TRPC7: variants seen among roughly 807,000 people sequenced by gnomAD.
TRPC7 encodes the protein transient receptor potential cation channel subfamily C member 7, also known as short transient receptor potential channel 7.
In TRPC7, 42 loss-of-function variants were observed where a neutral mutation model predicts 90.1. The ratio of observed to expected loss-of-function variants is 0.47; its 90% CI spans 0.36 to 0.60. TRPC7 has a LOEUF of 0.60. Among genes scored for constraint, TRPC7 ranks in the 20% least tolerant of loss-of-function variants. The probability of loss-of-function intolerance (pLI) is 0.00; values close to 1 mark genes in which losing one functional copy is unlikely to be tolerated. For missense variants in TRPC7, 955 were observed against 1,112.3 expected (o/e 0.86, Z 2.01); for synonymous variants, 451 against 436.3 (o/e 1.03, Z -0.42).
rs1561732594 is a variant in TRPC7, at chr5:136,356,792, T to C, written c.596A>G (p.Lys199Arg). Residue 199 changes from lysine to arginine, a missense_variant, in exon 2 of 12, where the codon AAG (lysine) becomes AGG (arginine). Coordinates refer to ENST00000513104, the MANE Select transcript of TRPC7 (RefSeq NM_020389.3). ...RIERPHDYFCKCNECTEKQRK... is the reference protein window; with the variant it reads ...RIERPHDYFCRCNECTEKQRK... Reference sequence around the variant, plus strand: ...CTGTTTCTCGGTGCACTCATTGCACTTGCAGAAGTAGTCGTGGGGCCGCTC... The same window carrying C: ...CTGTTTCTCGGTGCACTCATTGCACCTGCAGAAGTAGTCGTGGGGCCGCTC... 2 of 1,612,646 alleles carry C rather than the reference T, an allele frequency of 1.2e-6. No individual in the cohort carries two copies. Among genetic ancestry groups the C allele is most frequent in the East Asian group, 4.5e-5 (2 of 44,816 alleles).
At chr5:136,317,183 C>A (rs997392239) in intron 2 of TRPC7, among the ~76,000 whole-genome samples, 1 of 152,100 alleles carries the variant, frequency 6.6e-6, no homozygotes, top group African/African-American at 2.4e-5. Context: ...AATGACCTCT[C>A]GGCTCAGGCG....
chr5:136,330,524 T>G (rs193259357), intron 2 of TRPC7, among the ~76,000 whole-genome samples: 12 of 152,350 alleles, frequency 7.9e-5, no homozygotes, highest in South Asian at 6.2e-4. Context: ...GCCCTTGTAG[T>G]GCTCTAAAAC....
chr5:136,361,434 T>C (rs1204710371), intron 1 of TRPC7, among the ~76,000 whole-genome samples: 1 of 152,154 alleles, frequency 6.6e-6, no homozygotes, highest in African/African-American at 2.4e-5. Flanking sequence ...GTTATTTTTA[T>C]CAAGCTGCTC....
intron 2 of TRPC7, among the ~76,000 whole-genome samples, chr5:136,334,572 G>A (rs906295750): frequency 1.3e-5 from 2 of 152,170 alleles, no homozygotes; most frequent in Non-Finnish European, 2.9e-5. Context: ...GCAACTCCAG[G>A]ATGGCTTTTC....
chr5:136,351,936 G>A (rs561294725), intron 2 of TRPC7, among the ~76,000 whole-genome samples: 1 of 152,286 alleles, frequency 6.6e-6, no homozygotes, highest in South Asian at 2.1e-4. Flanking sequence ...ACCACTTTAA[G>A]TAGGATAAAG....
Position 136,247,885 on chromosome 5 carries a change from C to T in TRPC7, c.1580-150G>A, listed in dbSNP as rs562735086. ...ATCCCAATATCCAGAAGTTGCCACC[C>T]TCCCTCTTGGAATGTGCTGGACCAT... On this transcript the variant is annotated intron_variant, in intron 6 of 11. Transcript: ENST00000513104. The surrounding 1 kb of genome is among the most constrained non-coding windows in gnomAD (Gnocchi z 4.2). 43 of 950,090 alleles carry T rather than the reference C, an allele frequency of 4.5e-5. No individual in the cohort carries two copies. In the African/African-American group the frequency reaches 5.6e-4, roughly 12 times the overall value. The allele number at this position is 950,090 out of a possible 1,614,324, so 58.9% of individuals were successfully genotyped here. A position where few individuals can be genotyped will look rare whatever the true frequency, so the allele number is the denominator to read the frequency against.
intron 2 of TRPC7, among the ~76,000 whole-genome samples, chr5:136,341,310 T>G (rs188104301): frequency 7.2e-4 from 110 of 152,250 alleles, no homozygotes; most frequent in Admixed American, 1.2e-3. Context: ...AGAGGTAGAC[T>G]TGGACATGCT....
At chr5:136,258,220 A>G (rs35178371) in intron 5 of TRPC7, among the ~76,000 whole-genome samples, 1 of 152,250 alleles carries the variant, frequency 6.6e-6, no homozygotes, top group South Asian at 2.1e-4. Context: ...ATATTAATTC[A>G]CCCAGATGAA....
rs777935954 is a variant in TRPC7, at chr5:136,357,147, C to G, written c.241G>C (p.Ala81Pro). 20 of 1,613,984 alleles carry G rather than the reference C, an allele frequency of 1.2e-5. No individual in the cohort carries two copies. The East Asian group carries it at 3.6e-4, about 29-fold the overall frequency. ...FNCVDYMGQN[A>P]LQLAVGNEHL... ...TCGTTGCCCACGGCCAGCTGCAGAG[C>G]GTTCTGCCCCATGTAGTCCACACAG... The change falls in exon 2 of 12, where the codon GCT becomes CCT. Residue 81 changes from alanine to proline, a missense_variant. Transcript: ENST00000513104.
At chr5:136,231,838 C>A (rs1755825925) in intron 7 of TRPC7, among the ~76,000 whole-genome samples, 1 of 152,122 alleles carries the variant, frequency 6.6e-6, no homozygotes, top group African/African-American at 2.4e-5. Context: ...CTCCTGGGCT[C>A]AAGGTATCAT....
chr5:136,277,066 T>G (rs748285838), intron 3 of TRPC7, among the ~76,000 whole-genome samples: 35 of 152,180 alleles, frequency 2.3e-4, no homozygotes, highest in Non-Finnish European at 4.4e-4. Flanking sequence ...CCTGTCACAA[T>G]CCCCATCATT....
chr5:136,260,290 A>G (rs1482881808), intron 5 of TRPC7, among the ~76,000 whole-genome samples: 2 of 152,242 alleles, frequency 1.3e-5, no homozygotes, highest in African/African-American at 4.8e-5. Context: ...AAAATAGAGC[A>G]TATAGTATTG....
chr5:136,234,240 C>A (rs1755912441), intron 7 of TRPC7, among the ~76,000 whole-genome samples: 1 of 152,208 alleles, frequency 6.6e-6, no homozygotes, highest in Admixed American at 6.5e-5. Context: ...GGGAGCCACA[C>A]CTCCACAGCA....
chr5:136,285,308 C>T (rs529424584), intron 3 of TRPC7, among the ~76,000 whole-genome samples: 3 of 152,196 alleles, frequency 2.0e-5, no homozygotes, highest in Admixed American at 6.5e-5. Context: ...CACTTTTGCC[C>T]CCACTGTACT....
intron 3 of TRPC7, among the ~76,000 whole-genome samples, chr5:136,297,400 A>T (rs987138128): frequency 6.6e-6 from 1 of 152,166 alleles, no homozygotes; most frequent in South Asian, 2.1e-4. Context: ...CAGTCAGGCA[A>T]TGAGGCATCT....
At chr5:136,260,579 C>T (rs1001094755) in intron 5 of TRPC7, among the ~76,000 whole-genome samples, 4 of 152,056 alleles carry the variant, frequency 2.6e-5, no homozygotes, top group South Asian at 2.1e-4. Context: ...AGGTGGAAAG[C>T]GGTGGAAGAG....
At chr5:136,220,512 A>T (rs1755419499) in intron 10 of TRPC7, among the ~76,000 whole-genome samples, 1 of 152,166 alleles carries the variant, frequency 6.6e-6, no homozygotes, top group Non-Finnish European at 1.5e-5. Flanking sequence ...ATTAGGGTGG[A>T]GAAGAAACCC....
At chr5:136,324,202 AT>A (rs1204274468) in intron 2 of TRPC7, among the ~76,000 whole-genome samples, 1 of 151,932 alleles carries the variant, frequency 6.6e-6, no homozygotes, top group Non-Finnish European at 1.5e-5. Context: ...ATTCTTTGGG[AT>A]TTTCTACATA....
chr5:136,296,545 T>C (rs1758178207), intron 3 of TRPC7, among the ~76,000 whole-genome samples: 1 of 152,198 alleles, frequency 6.6e-6, no homozygotes, highest in Non-Finnish European at 1.5e-5. Flanking sequence ...ATGTTAACAA[T>C]GGTACTTCAA....
Sources: gnomAD v4.1 joint callset for allele counts (sites outside exome capture counted in the v4.1 genomes callset) on GRCh38, gnomAD v4.1.1 for gene constraint, Gnocchi (gnomAD v3.1) non-coding constraint, MANE v1.5 for transcripts, NCBI Gene and HGNC (gene_info 2026-07-23, HGNC 2026-07-21) for gene names.